DAW1: variants seen among roughly 807,000 people sequenced by gnomAD.
DAW1 encodes dynein assembly factor with WD repeat domains 1.
Under a neutral mutation model 56.5 loss-of-function variants are expected in DAW1, and 47 were observed. The observed-to-expected ratio is 0.83, with a 90% CI of 0.66 to 1.06. The LOEUF (loss-of-function observed/expected upper bound fraction) is 1.06, where lower values mean the gene tolerates loss of function less well. DAW1 is among the 50% of genes least tolerant of loss of function. The pLI, the probability that DAW1 is intolerant of heterozygous loss-of-function variation, is 0.00. For missense variants in DAW1, 505 were observed against 499.3 expected (o/e 1.01, Z -0.11); for synonymous variants, 190 against 179.0 (o/e 1.06, Z -0.49).
chr2:227,917,265 T>C (rs971824894), intron 10 of DAW1, among the ~76,000 whole-genome samples: 5 of 119,094 alleles, frequency 4.2e-5, no homozygotes, highest in Non-Finnish European at 7.8e-5. Context: ...TTTTTTTGTT[T>C]CTTTTTTTTT....
chr2:227,879,449 T>TA (rs1226291261), intron 1 of DAW1, among the ~76,000 whole-genome samples: 1 of 152,130 alleles, frequency 6.6e-6, no homozygotes, highest in Non-Finnish European at 1.5e-5. Context: ...ATTAAGTTCT[T>TA]AAAATTTTGT....
intron 4 of DAW1, among the ~76,000 whole-genome samples, chr2:227,893,044 C>A (rs919766381): frequency 2.6e-5 from 4 of 151,422 alleles, no homozygotes; most frequent in Non-Finnish European, 5.9e-5. Flanking sequence ...CCGAGGTGGG[C>A]AGATCACGAG....
chr2:227,877,994 A>C (rs561975842), intron 1 of DAW1, among the ~76,000 whole-genome samples: 1 of 152,374 alleles, frequency 6.6e-6, no homozygotes, highest in Non-Finnish European at 1.5e-5. Flanking sequence ...ACCAATTTTT[A>C]GTAGTCAGCT....
chr2:227,912,661 G>A (rs957354060), intron 10 of DAW1, among the ~76,000 whole-genome samples: 2 of 152,062 alleles, frequency 1.3e-5, no homozygotes, highest in African/African-American at 4.8e-5. Flanking sequence ...CCCTATGTCT[G>A]TGTCACCTTG....
In DAW1 at chr2:227,921,602, T is replaced by A. The variant is rs770574415; in HGVS notation, c.1213+41T>A. Reference sequence around the variant, plus strand: ...ACACCATAGACTCATTTTTTCTTGATTGGCTGTTAGAGTTCCCAAGCTGAA... The same window carrying A: ...ACACCATAGACTCATTTTTTCTTGAATGGCTGTTAGAGTTCCCAAGCTGAA... On this transcript the variant is annotated intron_variant, in intron 12 of 12. Transcript: ENST00000309931. The A allele has an allele frequency of 2.5e-6, 4 of 1,582,246 alleles. No individual in the cohort carries two copies. In the East Asian group the frequency reaches 9.0e-5, roughly 36 times the overall value.
intron 8 of DAW1, among the ~76,000 whole-genome samples, 175 bp from the exon 9 acceptor site, chr2:227,906,060 GA>G (rs1457378862): frequency 1.1e-4 from 16 of 152,122 alleles, no homozygotes; most frequent in African/African-American, 3.9e-4. Context: ...CGGCTGAAAT[GA>G]AATTATTGGT....
intron 12 of DAW1, among the ~76,000 whole-genome samples, chr2:227,922,539 A>G (rs796734120): frequency 1.3e-5 from 2 of 152,172 alleles, no homozygotes; most frequent in Non-Finnish European, 2.9e-5. Context: ...CCTAAGTACC[A>G]GTGATTCTCA....
At chr2:227,899,341 G>A (rs1691484324) in intron 6 of DAW1, among the ~76,000 whole-genome samples, 1 of 152,118 alleles carries the variant, frequency 6.6e-6, no homozygotes, top group Non-Finnish European at 1.5e-5. Flanking sequence ...CACTAACTTT[G>A]TTGTACTTTG....
At chr2:227,876,468 A>G (rs1690885205) in intron 1 of DAW1, 1 of 1,302,974 alleles carries the variant, frequency 7.7e-7, no homozygotes, top group African/African-American at 1.5e-5. Context: ...ATCATATGCA[A>G]GTTTCCAAGA....
At chr2:227,876,528 A>C (rs1249162251) in intron 1 of DAW1, 96 of 1,294,844 alleles carry the variant, frequency 7.4e-5, no homozygotes, top group Non-Finnish European at 9.4e-5. Context: ...ATCAGATAGG[A>C]AAAATTATTC....
intron 10 of DAW1, among the ~76,000 whole-genome samples, chr2:227,908,618 G>A (rs1259332414): frequency 6.6e-6 from 1 of 152,158 alleles, no homozygotes; most frequent in Non-Finnish European, 1.5e-5. Flanking sequence ...GCTACTCTAT[G>A]TCTGCAGCAT....
chr2:227,882,081 G>T (rs985826211), intron 1 of DAW1, among the ~76,000 whole-genome samples: 6 of 152,130 alleles, frequency 3.9e-5, no homozygotes, highest in African/African-American at 1.4e-4. Context: ...ATGGCTCAGT[G>T]CTTTTGAAAA....
At chr2:227,882,069 C>T (rs1161285993) in intron 1 of DAW1, among the ~76,000 whole-genome samples, 4 of 152,198 alleles carry the variant, frequency 2.6e-5, no homozygotes, top group African/African-American at 9.6e-5. Context: ...CATTCTTTCT[C>T]AATGGCTCAG....
intron 10 of DAW1, among the ~76,000 whole-genome samples, chr2:227,915,455 A>G (rs1343927817): frequency 6.6e-6 from 1 of 151,994 alleles, no homozygotes; most frequent in African/African-American, 2.4e-5. Flanking sequence ...TTTCCTAATG[A>G]CCATGTTTGA....
intron 1 of DAW1, among the ~76,000 whole-genome samples, chr2:227,873,053 C>A (rs987512726): frequency 2.0e-5 from 3 of 152,182 alleles, no homozygotes; most frequent in Non-Finnish European, 4.4e-5. Flanking sequence ...CACTTGTCTA[C>A]CCTCACTATA....
chr2:227,875,669 C>A (rs1252413157), intron 1 of DAW1, among the ~76,000 whole-genome samples: 1 of 152,192 alleles, frequency 6.6e-6, no homozygotes, highest in Non-Finnish European at 1.5e-5. Context: ...CCTTTCTGAG[C>A]ATTTCTATCT....
At chr2:227,898,305 AT>A in intron 6 of DAW1, 24 bp downstream of exon 6, 3 of 1,230,712 alleles carry the variant, frequency 2.4e-6, no homozygotes, top group Non-Finnish European at 2.1e-6. Context: ...ACAATTTATT[AT>A]TATTTTATGT....
chr2:227,917,112 GTATCTATCTATC>G (rs57043132), intron 10 of DAW1, among the ~76,000 whole-genome samples: 16,514 of 148,222 alleles, frequency 0.11, 1,041 homozygotes, highest in African/African-American at 0.17. Flanking sequence ...ATGCATGACA[GTATCTATCTATC>G]TATCTATCTA....
chr2:227,915,365 A>G (rs1329306059), intron 10 of DAW1, among the ~76,000 whole-genome samples: 1 of 152,036 alleles, frequency 6.6e-6, no homozygotes, highest in Non-Finnish European at 1.5e-5. Context: ...GTGTGTCATC[A>G]ACTTAAGTAC....
Sources: gnomAD v4.1 joint callset for allele counts (sites outside exome capture counted in the v4.1 genomes callset) on GRCh38, gnomAD v4.1.1 for gene constraint, MANE v1.5 for transcripts, NCBI Gene and HGNC (gene_info 2026-07-23, HGNC 2026-07-21) for gene names.